The following RFTN2 variants were observed in gnomAD, a reference collection of about 807,000 sequenced individuals.
The protein encoded by RFTN2 is raftlin family member 2.
RFTN2 carries 34 observed loss-of-function variants against 52.7 expected under a neutral mutation model. That is an observed-to-expected ratio of 0.64 (90% CI 0.49 to 0.86). The LOEUF (loss-of-function observed/expected upper bound fraction) is 0.86, where lower values mean the gene tolerates loss of function less well. Among genes scored for constraint, RFTN2 ranks in the 40% least tolerant of loss-of-function variants. RFTN2 has a pLI of 0.00. For missense variants in RFTN2, 536 were observed against 600.1 expected (o/e 0.89, Z 1.12); for synonymous variants, 203 against 217.7 (o/e 0.93, Z 0.59).
chr2:197,590,022 C>G (rs933560176), intron 8 of RFTN2, among the ~76,000 whole-genome samples: 1 of 151,852 alleles, frequency 6.6e-6, no homozygotes, highest in Non-Finnish European at 1.5e-5. Flanking sequence ...TCCCCCCACC[C>G]CCACTCCCCC....
chr2:197,571,721 C>G lies in RFTN2; in HGVS notation c.*287G>C. On this transcript the variant is annotated 3_prime_UTR_variant, in exon 9 of 9. Coordinates refer to ENST00000295049, the MANE Select transcript of RFTN2 (RefSeq NM_144629.3). Reference sequence around the variant, plus strand: ...GAATTGTAAGAAAGTCTACTTTGTACATTCATGAGAAGCTGAAATAGATTA... The same window carrying G: ...GAATTGTAAGAAAGTCTACTTTGTAGATTCATGAGAAGCTGAAATAGATTA... The G allele has an allele frequency of 5.3e-6, 2 of 375,720 alleles. No homozygotes were observed. The highest frequency in any genetic ancestry group is 4.8e-6 in the Non-Finnish European group (1 of 206,680). The allele number at this position is 375,720 out of a possible 1,614,324, so 23.3% of individuals were successfully genotyped here.
intron 1 of RFTN2, among the ~76,000 whole-genome samples, chr2:197,650,134 AG>A (rs2088805594): frequency 6.6e-6 from 1 of 151,966 alleles, no homozygotes; most frequent in Non-Finnish European, 1.5e-5. Flanking sequence ...TAAAAATTGT[AG>A]GAAAAACAAA....
rs1179348893 is a variant in RFTN2 at position 197,570,986 on chromosome 2, T to C, written c.*1022A>G. On this transcript the variant is annotated 3_prime_UTR_variant, in exon 9 of 9. Coordinates refer to ENST00000295049, the MANE Select transcript of RFTN2 (RefSeq NM_144629.3). Reference sequence around the variant, plus strand: ...TTATTTTGTAGAATTTTAAAGATTGTTAAAGGCTGGGTCAAGGCAAAGCCA... The same window carrying C: ...TTATTTTGTAGAATTTTAAAGATTGCTAAAGGCTGGGTCAAGGCAAAGCCA... The C allele has an allele frequency of 2.0e-5, 3 of 152,312 alleles. No homozygotes were observed. The highest frequency in any genetic ancestry group is 4.4e-5 in the Non-Finnish European group (3 of 68,026). 9.4% of individuals were successfully genotyped at this position (152,312 alleles called of 1,614,324 possible). A position where few individuals can be genotyped will look rare whatever the true frequency, so the allele number is the denominator to read the frequency against.
intron 1 of RFTN2, among the ~76,000 whole-genome samples, chr2:197,668,176 T>C (rs1314555659): frequency 6.6e-6 from 1 of 151,646 alleles, no homozygotes; most frequent in Admixed American, 6.6e-5. Flanking sequence ...CTGGAAGGAG[T>C]GTTCAGGTAG....
chr2:197,572,285 AAC>A lies in RFTN2; in HGVS notation c.1234-7_1234-6del. The A allele has an allele frequency of 6.2e-7, 1 of 1,613,126 alleles. No homozygotes were observed. The highest frequency in any genetic ancestry group is 2.2e-5 in the East Asian group (1 of 44,864). On this transcript the variant is annotated splice_polypyrimidine_tract_variant and splice_region_variant and intron_variant, in intron 8 of 8. Transcript: ENST00000295049. The stretch of plus-strand genomic sequence containing the variant: ...TATGTGGCGGCTGGCTTTCTTCTGA[AAC>A]ACAAGACATTGGTGACCAGGAGAGT...
chr2:197,595,791 G>C (rs919610723), intron 8 of RFTN2, among the ~76,000 whole-genome samples, 200 bp downstream of exon 8: 1 of 152,170 alleles, frequency 6.6e-6, no homozygotes, highest in Admixed American at 6.5e-5. Context: ...TGCCAAAGTG[G>C]CATATTTTGT....
At chr2:197,636,908 C>T (rs1026434635) in intron 3 of RFTN2, among the ~76,000 whole-genome samples, 117 of 151,886 alleles carry the variant, frequency 7.7e-4, no homozygotes, top group Non-Finnish European at 8.5e-4. Flanking sequence ...TTTTGAAATA[C>T]GTCCCATCAA....
chr2:197,582,962 T>C (rs2087534942), intron 8 of RFTN2, among the ~76,000 whole-genome samples: 1 of 152,168 alleles, frequency 6.6e-6, no homozygotes, highest in Non-Finnish European at 1.5e-5. Flanking sequence ...CCCCACTGAA[T>C]CTTTCAGCTA....
intron 6 of RFTN2, among the ~76,000 whole-genome samples, chr2:197,616,274 A>ATTTATTTTATTTTTTTTTTTTTTTTTTT (rs879732758): frequency 8.6e-6 from 1 of 116,588 alleles, no homozygotes. Context: ...TCTGCATTTT[A>ATTTATTTTATTTTTTTTTTTTTTTTTTT]TTTTATTTTA....
chr2:197,658,611 A>G (rs953239020), intron 1 of RFTN2, among the ~76,000 whole-genome samples: 2 of 152,108 alleles, frequency 1.3e-5, no homozygotes, highest in Non-Finnish European at 2.9e-5. Flanking sequence ...AACAGAGGAA[A>G]TTAAGGGAGA....
intron 8 of RFTN2, among the ~76,000 whole-genome samples, chr2:197,593,090 A>G (rs1446753447): frequency 6.6e-6 from 1 of 152,218 alleles, no homozygotes; most frequent in African/African-American, 2.4e-5. Flanking sequence ...AGGAATTGTA[A>G]GTTATAAAAT....
intron 5 of RFTN2, among the ~76,000 whole-genome samples, chr2:197,624,209 T>C (rs2088314522): frequency 6.6e-6 from 1 of 152,096 alleles, no homozygotes; most frequent in African/African-American, 2.4e-5. Context: ...GATAAAGCAA[T>C]TGGAGGGTTT....
chr2:197,646,214 G>A (rs1431543390), intron 2 of RFTN2, among the ~76,000 whole-genome samples: 1 of 152,130 alleles, frequency 6.6e-6, no homozygotes, highest in Non-Finnish European at 1.5e-5. Flanking sequence ...GCTTCTAGGT[G>A]CCTCTGGAAT....
chr2:197,612,488 T>G (rs547391202), intron 7 of RFTN2, among the ~76,000 whole-genome samples: 1 of 152,338 alleles, frequency 6.6e-6, no homozygotes, highest in East Asian at 1.9e-4. Context: ...TTTAACAATA[T>G]TAGCTGCTAA....
At chr2:197,610,048 C>T (rs150594142) in intron 7 of RFTN2, among the ~76,000 whole-genome samples, 8 of 152,114 alleles carry the variant, frequency 5.3e-5, no homozygotes, top group Middle Eastern at 3.2e-3. Flanking sequence ...AGTCAGGTAG[C>T]GTGATGCCTC....
At chr2:197,583,791 C>G (rs1009184073) in intron 8 of RFTN2, among the ~76,000 whole-genome samples, 1 of 151,986 alleles carries the variant, frequency 6.6e-6, no homozygotes, top group Admixed American at 6.6e-5. Flanking sequence ...CCCCACCCCA[C>G]GACAGGCCCC....
intron 1 of RFTN2, among the ~76,000 whole-genome samples, chr2:197,656,398 A>T (rs949789872): frequency 2.6e-5 from 4 of 152,192 alleles, no homozygotes; most frequent in African/African-American, 7.2e-5. Flanking sequence ...GCCATTTACT[A>T]AGCATGTGAT....
At chr2:197,667,222 G>C (rs1357267331) in intron 1 of RFTN2, among the ~76,000 whole-genome samples, 3 of 152,106 alleles carry the variant, frequency 2.0e-5, no homozygotes, top group Non-Finnish European at 4.4e-5. Context: ...CTGACCTCAA[G>C]TGATCTGCCT....
intron 5 of RFTN2, among the ~76,000 whole-genome samples, chr2:197,629,491 T>G (rs1234415306): frequency 6.6e-6 from 1 of 151,980 alleles, no homozygotes; most frequent in Non-Finnish European, 1.5e-5. Context: ...AAATACCTAA[T>G]GTAAATGACG....
Sources: gnomAD v4.1 joint callset for allele counts (sites outside exome capture counted in the v4.1 genomes callset) on GRCh38, gnomAD v4.1.1 for gene constraint, MANE v1.5 for transcripts, NCBI Gene and HGNC (gene_info 2026-07-23, HGNC 2026-07-21) for gene names.